The following KCNH4 variants were observed in gnomAD, a reference collection of about 807,000 sequenced individuals.
KCNH4 encodes the protein voltage-gated delayed rectifier potassium channel KCNH4.
KCNH4 carries 33 observed loss-of-function variants against 90.7 expected under a neutral mutation model. That is an observed-to-expected ratio of 0.36 (90% CI 0.28 to 0.49). The LOEUF (loss-of-function observed/expected upper bound fraction) is 0.49. Ranked by LOEUF, KCNH4 falls within the 20% of genes least tolerant of loss-of-function variation. KCNH4 has a pLI of 0.98. For synonymous variants in KCNH4, 551 were observed against 581.7 expected, an observed-to-expected ratio of 0.95 and a Z score of 0.76; for missense variants, 1,044 against 1,387.1, an observed-to-expected ratio of 0.75 and a Z score of 3.93.
In KCNH4 at chr17:42,163,686, G is replaced by C. The variant is rs568376100; in HGVS notation, c.2397C>G (p.Pro799=). ...GGGGCTTCCAGGCAGCAGAGCACCT[G>C]GGGGGGCCGTGAGGGGAGGCACTGT... is the stretch of plus-strand genomic sequence containing the variant. The part of the protein sequence containing the change: ...QGHSASPHGP[P]RCSAAWKPPQ... The change falls in exon 13 of 17, where the codon CCC becomes CCG. Residue 799 remains proline (P), a synonymous_variant. Coordinates refer to ENST00000264661, the MANE Select transcript of KCNH4 (RefSeq NM_012285.3). The surrounding 1 kb of genome is among the most constrained non-coding windows in gnomAD (Gnocchi z 5.4). 6.6e-7 allele frequency: 1 copy of C among 1,505,286 alleles called. No individual in the cohort carries two copies. Among genetic ancestry groups the C allele is most frequent in the Non-Finnish European group, 8.9e-7 (1 of 1,126,050 alleles). 93.2% of individuals were successfully genotyped at this position (1,505,286 alleles called of 1,614,324 possible).
rs1458365628 is a variant in KCNH4 at position 42,169,011 on chromosome 17, T to A, written c.1590+466A>T. Among the ~76,000 whole-genome samples, 3 of 152,310 alleles carry A rather than the reference T, an allele frequency of 2.0e-5. No individual in the cohort carries two copies. The East Asian group carries it at 5.8e-4, about 29-fold the overall frequency. ...TGGTCTCGATCTCCTGACCTTGTGA[T>A]CCGCCCACCTCGGCCTCCCAAAGTG... On this transcript the variant is annotated intron_variant, in intron 9 of 16. Transcript: ENST00000264661.
At chr17:42,160,479 A>G in intron 15 of KCNH4, 44 bp from the exon 16 acceptor site, 2 of 1,534,294 alleles carry the variant, frequency 1.3e-6, no homozygotes, top group East Asian at 4.6e-5. Flanking sequence ...CCACAGTAAT[A>G]ACAAGGTGCA....
Position 42,166,475 on chromosome 17 carries a change from C to T in KCNH4, c.1662G>A (p.Leu554=), listed in dbSNP as rs1568033512. 6.2e-7 allele frequency: 1 copy of T among 1,614,106 alleles called. No homozygotes were observed. Among genetic ancestry groups the T allele is most frequent in the Admixed American group, 1.7e-5 (1 of 60,004 alleles). ...CCCTGCTCGCTGCCCCGAACAACGG[C>T]AGCTGCAGGATCTCCCGATTCAGGT... The part of the protein sequence containing the change: ...AMHLNREILQ[L]PLFGAASRGC... The change falls in exon 10 of 17, where the codon CTG becomes CTA. Residue 554 remains leucine (L), a synonymous_variant. Coordinates refer to ENST00000264661, the MANE Select transcript of KCNH4 (RefSeq NM_012285.3).
rs762238134 is a variant in KCNH4 at position 42,166,557 on chromosome 17, G to A, written c.1591-11C>T. The A allele has an allele frequency of 2.6e-5, 42 of 1,599,406 alleles. No individual in the cohort carries two copies. Among genetic ancestry groups the A allele is most frequent in the Non-Finnish European group, 3.5e-5 (41 of 1,168,188 alleles). On this transcript the variant is annotated splice_polypyrimidine_tract_variant and intron_variant, in intron 9 of 16. Transcript: ENST00000264661. The stretch of plus-strand genomic sequence containing the variant: ...GAAGTCACGCAGTAACTGCATAAGG[G>A]GCATAGGTCATTCTGGCCATCCCCC...
chr17:42,168,758 A>T (rs1056075725), intron 9 of KCNH4, among the ~76,000 whole-genome samples: 4 of 123,750 alleles, frequency 3.2e-5, no homozygotes, highest in Non-Finnish European at 6.8e-5. Context: ...TTATTTATTT[A>T]TTTTTTTATT....
At position 42,178,106 on chromosome 17, in the gene KCNH4, G is replaced by C; in HGVS notation, c.579C>G (p.Ala193=). Residue 193 remains alanine (A), a synonymous_variant, in exon 4 of 17, where the codon GCC becomes GCG. Transcript: ENST00000264661. The part of the protein sequence containing the change: ...FGRRGQGGMK[A]NNNVFEPKPS... ...GGTTGGGGGTGGGACTCACATTATT[G>C]GCCTTCATGCCTCCCTGGCCCCGGC... 1 of 1,613,824 alleles carries C rather than the reference G, an allele frequency of 6.2e-7. No individual in the cohort carries two copies. Among genetic ancestry groups the C allele is most frequent in the Non-Finnish European group, 8.5e-7 (1 of 1,179,856 alleles).
Position 42,175,440 on chromosome 17 carries a change from C to G in KCNH4, c.987+139G>C, listed in dbSNP as rs1280954072. On this transcript the variant is annotated intron_variant, in intron 6 of 16. Coordinates refer to ENST00000264661, the MANE Select transcript of KCNH4 (RefSeq NM_012285.3). ...TCCCAGTACCTAGCACAGGGCTATG[C>G]CCAGAGCAGGTGCCTGATAAATATC... is the stretch of plus-strand genomic sequence containing the variant. 11 of 1,004,694 alleles carry G rather than the reference C, an allele frequency of 1.1e-5. No homozygotes were observed. The East Asian group carries it at 2.6e-4, about 24-fold the overall frequency. The allele number at this position is 1,004,694 out of a possible 1,614,324, so 62.2% of individuals were successfully genotyped here.
At chr17:42,161,427 G>A (rs1229163266) in intron 15 of KCNH4, among the ~76,000 whole-genome samples, 5 of 152,218 alleles carry the variant, frequency 3.3e-5, no homozygotes, top group Non-Finnish European at 7.3e-5. Flanking sequence ...TGGCTCCCAG[G>A]GGCTGGGCCT....
intron 9 of KCNH4, among the ~76,000 whole-genome samples, chr17:42,168,797 A>C (rs1019828678): frequency 6.6e-6 from 1 of 151,470 alleles, no homozygotes; most frequent in Non-Finnish European, 1.5e-5. Flanking sequence ...TTTGAGACAG[A>C]GTCTCGCTCT....
intron 2 of KCNH4, 101 bp downstream of exon 2, chr17:42,178,692 G>T: frequency 3.4e-6 from 4 of 1,191,010 alleles, no homozygotes; most frequent in East Asian, 2.4e-5. Flanking sequence ...GTCAGCTTTT[G>T]GCAGTGTGGG....
At chr17:42,176,354 G>C in intron 4 of KCNH4, 57 bp from the exon 5 acceptor site, 1 of 1,533,886 alleles carries the variant, frequency 6.5e-7, no homozygotes, top group Admixed American at 1.7e-5. Flanking sequence ...GCCAAGATGG[G>C]GGGTGGGAAA....
chr17:42,176,244 C>T lies in KCNH4; in HGVS notation c.639G>A (p.Gly213=), dbSNP rs1300979999. Residue 213 remains glycine (G), a synonymous_variant, in exon 5 of 17, where the codon GGG becomes GGA. Transcript: ENST00000264661. ...SVPEYKVASV[G]GSRCLLLHYS... ...AGTGGAGGAGGAGGCAGCGAGACCC[C>T]CCCACGGAGGCCACCTTGTACTCGG... 1 of 1,613,864 alleles carries T rather than the reference C, an allele frequency of 6.2e-7. No individual in the cohort carries two copies. The highest frequency in any genetic ancestry group is 8.5e-7 in the Non-Finnish European group (1 of 1,179,934).
chr17:42,164,727 G>A (rs545852015), intron 11 of KCNH4, among the ~76,000 whole-genome samples: 107 of 151,720 alleles, frequency 7.1e-4, no homozygotes, highest in African/African-American at 2.0e-3. Context: ...ACTTGAACCC[G>A]GGAGGCGGAG....
chr17:42,168,299 G>C (rs1466136023), intron 9 of KCNH4, among the ~76,000 whole-genome samples: 1 of 152,206 alleles, frequency 6.6e-6, no homozygotes, highest in Non-Finnish European at 1.5e-5. Flanking sequence ...GCAGAAGGGA[G>C]AGTCGCATCA....
Position 42,178,087 on chromosome 17 carries a change from G to C in KCNH4, c.585+13C>G, listed in dbSNP as rs751655493. The C allele has an allele frequency of 1.2e-6, 2 of 1,611,984 alleles. No individual in the cohort carries two copies. The highest frequency in any genetic ancestry group is 1.7e-6 in the Non-Finnish European group (2 of 1,178,940). The stretch of plus-strand genomic sequence containing the variant: ...GAGGACTTGGGAGATGTTGGGTTGG[G>C]GGTGGGACTCACATTATTGGCCTTC... On this transcript the variant is annotated intron_variant, in intron 4 of 16. Coordinates refer to ENST00000264661, the MANE Select transcript of KCNH4 (RefSeq NM_012285.3).
Position 42,160,322 on chromosome 17 carries a change from G to C in KCNH4, c.2772C>G (p.Thr924=). Residue 924 remains threonine, a synonymous_variant, in exon 16 of 17, where the codon ACC becomes ACG. Transcript: ENST00000264661. ...TCAGCTGTGGACAAGGAGGGTCTGGGGTCCAAGCGGAGCCTGCTGGGTGGC... is the reference window on the plus strand; with the variant it reads ...TCAGCTGTGGACAAGGAGGGTCTGGCGTCCAAGCGGAGCCTGCTGGGTGGC... ...PPGHPAGSAW[T]PDPPCPQLRP... 19 of 1,614,110 alleles carry C rather than the reference G, an allele frequency of 1.2e-5. No individual in the cohort carries two copies. The highest frequency in any genetic ancestry group is 1.6e-5 in the Non-Finnish European group (19 of 1,180,014).
intron 4 of KCNH4, among the ~76,000 whole-genome samples, chr17:42,176,580 G>T: frequency 7.8e-6 from 1 of 127,628 alleles, no homozygotes; most frequent in Non-Finnish European, 1.6e-5. Context: ...TGGAGTGCAA[G>T]GGCATGATCT....
chr17:42,180,848 C>T lies in KCNH4; in HGVS notation c.76+22G>A, dbSNP rs767243266. 1.2e-5 allele frequency: 19 copies of T among 1,612,626 alleles called. No individual in the cohort carries two copies. The highest frequency in any genetic ancestry group is 1.6e-5 in the Non-Finnish European group (19 of 1,178,920). ...CTTGCCCCCCAGCTCGAACCTCAAG[C>T]CCCGACCTCCGTCCCACTCACGCGT... is the stretch of plus-strand genomic sequence containing the variant. On this transcript the variant is annotated intron_variant, in intron 1 of 16. Transcript: ENST00000264661. This position sits in a 1 kb window ranked among gnomAD's most constrained non-coding sequence, Gnocchi z 4.7.
chr17:42,174,111 G>A (rs57443322), intron 6 of KCNH4, among the ~76,000 whole-genome samples: 1 of 152,020 alleles, frequency 6.6e-6, no homozygotes, highest in African/African-American at 2.4e-5. Context: ...GTACGTGCCA[G>A]CACACCCGGC....
Sources: gnomAD v4.1 joint callset for allele counts (sites outside exome capture counted in the v4.1 genomes callset) on GRCh38, gnomAD v4.1.1 for gene constraint, Gnocchi (gnomAD v3.1) non-coding constraint, MANE v1.5 for transcripts, NCBI Gene and HGNC (gene_info 2026-07-23, HGNC 2026-07-21) for gene names.